Variants in FXYD3 observed in about 807,000 individuals in gnomAD.
The protein encoded by FXYD3 is FXYD domain containing ion transport regulator 3.
Under a neutral mutation model 19.2 loss-of-function variants are expected in FXYD3, and 13 were observed. The observed-to-expected ratio is 0.68, with a 90% CI of 0.44 to 1.08. The LOEUF is 1.08. Ranked by LOEUF, FXYD3 falls within the 50% of genes least tolerant of loss-of-function variation. The probability of loss-of-function intolerance (pLI) is 0.00; values close to 1 mark genes in which losing one functional copy is unlikely to be tolerated. For synonymous variants in FXYD3, 48 were observed against 38.9 expected (o/e 1.23, Z -0.87); for missense variants, 101 against 109.4 (o/e 0.92, Z 0.34).
chr19:35,121,628 C>A, intron 5 of FXYD3: 2 of 955,622 alleles, frequency 2.1e-6, no homozygotes, highest in Non-Finnish European at 2.8e-6. Context: ...TCTGCCCTCA[C>A]CTCTCCACGC....
chr19:35,122,278 C>A (rs2065059480), intron 5 of FXYD3, among the ~76,000 whole-genome samples: 1 of 151,962 alleles, frequency 6.6e-6, no homozygotes, highest in Non-Finnish European at 1.5e-5. Flanking sequence ...CCTCAGCCTG[C>A]TGAGTAGCTG....
intron 2 of FXYD3, chr19:35,117,451 T>A: frequency 7.8e-7 from 1 of 1,281,726 alleles, no homozygotes; most frequent in Non-Finnish European, 1.0e-6. Context: ...GGATTACAAC[T>A]GCAATGTGGG....
intron 2 of FXYD3, chr19:35,118,378 AT>A: frequency 3.3e-6 from 2 of 603,270 alleles, no homozygotes; most frequent in Non-Finnish European, 4.2e-6. Context: ...AAAAAAAACA[AT>A]TATGATAACT....
intron 8 of FXYD3, 58 bp from the exon 9 acceptor site, chr19:35,123,383 C>T (rs1278670388): frequency 1.2e-6 from 2 of 1,613,274 alleles, no homozygotes; most frequent in African/African-American, 1.3e-5. Flanking sequence ...TGTGTTTGCA[C>T]ACTGGAAAGA....
At chr19:35,122,657 C>G (rs891830271) in intron 5 of FXYD3, 108 bp from the exon 6 acceptor site, 2 of 893,420 alleles carry the variant, frequency 2.2e-6, no homozygotes, top group African/African-American at 1.6e-5. Context: ...GGCGGTGTCC[C>G]CAGCACCCTG....
Position 35,116,348 on chromosome 19 carries a change from TGAACCACACAGGTGAGCA to T in FXYD3, c.-24_-15+8del. 1 of 985,496 alleles carries T rather than the reference TGAACCACACAGGTGAGCA, an allele frequency of 1.0e-6. No homozygotes were observed. Among genetic ancestry groups the T allele is most frequent in the Non-Finnish European group, 1.2e-6 (1 of 829,970 alleles). 61.0% of individuals were successfully genotyped at this position (985,496 alleles called of 1,614,324 possible). ...CTCCCGGAACCTCTGCTCAGCCTGG[TGAACCACACAGGTGAGCA>T]GCTGGGGCCCCTTCCTCCAAGCCCT... is the stretch of plus-strand genomic sequence containing the variant. On this transcript the variant is annotated splice_donor_variant and splice_donor_5th_base_variant and 5_prime_UTR_variant and intron_variant, in exon 2 of 9. Transcript: ENST00000604404. LOFTEE classifies it low-confidence loss of function (5UTR_SPLICE).
At position 35,123,427 on chromosome 19, in the gene FXYD3, A is replaced by C; in HGVS notation, c.248-14A>C. 2 of 1,613,966 alleles carry C rather than the reference A, an allele frequency of 1.2e-6. No individual in the cohort carries two copies. The highest frequency in any genetic ancestry group is 1.1e-5 in the South Asian group (1 of 91,078). On this transcript the variant is annotated splice_polypyrimidine_tract_variant and intron_variant, in intron 8 of 8. Coordinates refer to ENST00000604404, the MANE Select transcript of FXYD3 (RefSeq NM_005971.4). Reference sequence around the variant, plus strand: ...CAATCCACCCTCACAAACGGACCCCATCACTTCCCGCAGGCTCAGCCCAAA... The same window carrying C: ...CAATCCACCCTCACAAACGGACCCCCTCACTTCCCGCAGGCTCAGCCCAAA...
intron 2 of FXYD3, among the ~76,000 whole-genome samples, chr19:35,118,897 G>A (rs991667694): frequency 5.3e-5 from 8 of 152,198 alleles, no homozygotes; most frequent in Non-Finnish European, 1.2e-4. Context: ...CTGGGAAGCG[G>A]GCCTCCTGCC....
intron 2 of FXYD3, chr19:35,118,371 AAAAAC>A (rs1470714741): frequency 1.4e-5 from 10 of 692,430 alleles, no homozygotes; most frequent in African/African-American, 1.4e-4. Context: ...AAAAAAAAAA[AAAAAC>A]AATTATGATA....
At chr19:35,118,855 G>A (rs568208160) in intron 2 of FXYD3, among the ~76,000 whole-genome samples, 2 of 152,298 alleles carry the variant, frequency 1.3e-5, no homozygotes, top group African/African-American at 2.4e-5. Flanking sequence ...TGGCAGGGCC[G>A]GGCAGGCTCT....
intron 2 of FXYD3, chr19:35,117,450 C>A: frequency 7.8e-7 from 1 of 1,284,854 alleles, no homozygotes; most frequent in Non-Finnish European, 1.0e-6. Flanking sequence ...AGGATTACAA[C>A]TGCAATGTGG....
chr19:35,121,589 G>T (rs372087279), intron 5 of FXYD3: 19 of 1,354,942 alleles, frequency 1.4e-5, no homozygotes, highest in Admixed American at 6.5e-5. Flanking sequence ...TGGCCTCCAG[G>T]TTCCAATGAC....
chr19:35,123,351 T>G, intron 8 of FXYD3, 43 bp downstream of exon 8: 1 of 1,281,004 alleles, frequency 7.8e-7, no homozygotes, highest in Non-Finnish European at 1.1e-6. Context: ...ACGGAAGTGG[T>G]GTGTGTGTGT....
intron 3 of FXYD3, among the ~76,000 whole-genome samples, chr19:35,120,872 C>A (rs1438550651): frequency 1.3e-5 from 2 of 152,226 alleles, no homozygotes; most frequent in Non-Finnish European, 1.5e-5. Flanking sequence ...TGGCAGAATG[C>A]TGGCGTGACT....
rs927624842 is a variant in FXYD3, at chr19:35,116,359, G to C, written c.-15G>C. 1.2e-5 allele frequency: 12 copies of C among 985,506 alleles called. No homozygotes were observed. Among genetic ancestry groups the C allele is most frequent in the Non-Finnish European group, 1.2e-5 (10 of 829,982 alleles). 61.0% of individuals were successfully genotyped at this position (985,506 alleles called of 1,614,324 possible). On this transcript the variant is annotated splice_region_variant and 5_prime_UTR_variant, in exon 2 of 9. Coordinates refer to ENST00000604404, the MANE Select transcript of FXYD3 (RefSeq NM_005971.4). ...TCTGCTCAGCCTGGTGAACCACACA[G>C]GTGAGCAGCTGGGGCCCCTTCCTCC...
At chr19:35,118,795 A>C (rs1057140217) in intron 2 of FXYD3, among the ~76,000 whole-genome samples, 4 of 152,028 alleles carry the variant, frequency 2.6e-5, no homozygotes, top group Non-Finnish European at 5.9e-5. Context: ...CCCCACCCCC[A>C]AGCAGCTTGA....
chr19:35,116,957 C>T lies in FXYD3; in HGVS notation c.-15+598C>T, dbSNP rs1164686385. 4 of 985,100 alleles carry T rather than the reference C, an allele frequency of 4.1e-6. No homozygotes were observed. The African/African-American group carries it at 7.0e-5, about 17-fold the overall frequency. 61.0% of individuals were successfully genotyped at this position (985,100 alleles called of 1,614,324 possible). On this transcript the variant is annotated intron_variant, in intron 2 of 8. Coordinates refer to ENST00000604404, the MANE Select transcript of FXYD3 (RefSeq NM_005971.4). The stretch of plus-strand genomic sequence containing the variant: ...ACACAGCGGGCAGGATCTTTCTACC[C>T]ACCCCTGAACATGAGACCATTCTCC...
At chr19:35,118,542 A>G (rs952588769) in intron 2 of FXYD3, 5 of 990,510 alleles carry the variant, frequency 5.0e-6, no homozygotes, top group Non-Finnish European at 6.0e-6. Flanking sequence ...TATGCTGAGC[A>G]GGTCTACCTG....
intron 2 of FXYD3, chr19:35,119,077 C>T (rs10426785): frequency 0.67 from 578,525 of 863,242 alleles, 196,358 homozygotes; most frequent in Admixed American, 0.71. Context: ...AGGACAACAG[C>T]GGGCAGTGGC....
Sources: gnomAD v4.1 joint callset for allele counts (sites outside exome capture counted in the v4.1 genomes callset) on GRCh38, gnomAD v4.1.1 for gene constraint, MANE v1.5 for transcripts, NCBI Gene and HGNC (gene_info 2026-07-23, HGNC 2026-07-21) for gene names.